The following CYB5A variants were observed in gnomAD, a reference collection of about 807,000 sequenced individuals.
CYB5A encodes cytochrome b5 type A.
Under a neutral mutation model 16.2 loss-of-function variants are expected in CYB5A, and 10 were observed. The observed-to-expected ratio is 0.62, with a 90% CI of 0.38 to 1.04. The LOEUF (loss-of-function observed/expected upper bound fraction) is 1.04, where lower values mean the gene tolerates loss of function less well. Among genes scored for constraint, CYB5A ranks in the 50% least tolerant of loss-of-function variants. The probability of loss-of-function intolerance (pLI) is 0.01; values close to 1 mark genes in which losing one functional copy is unlikely to be tolerated. For synonymous variants in CYB5A, 62 were observed against 57.0 expected (o/e 1.09, Z -0.40); for missense variants, 161 against 165.9 (o/e 0.97, Z 0.16).
intron 3 of CYB5A, chr18:74,260,569 A>G (rs1287361329): frequency 8.0e-6 from 3 of 377,276 alleles, no homozygotes; most frequent in East Asian, 6.7e-5. Flanking sequence ...ACCACTATCC[A>G]TTCAGATTTT....
chr18:74,291,826 A>C lies in CYB5A; in HGVS notation c.50T>G (p.Ile17Ser). The C allele has an allele frequency of 1.2e-6, 2 of 1,613,050 alleles. No individual in the cohort carries two copies. Among genetic ancestry groups the C allele is most frequent in the Non-Finnish European group, 1.7e-6 (2 of 1,179,806 alleles). ...EAVKYYTLEE[I>S]QKHNHSKSTW... ...GCTCTTGCTGTGGTTGTGCTTCTGA[A>C]TCTCCTCTAGGGTGTAGTACTTCAC... Residue 17 changes from isoleucine (I) to serine (S), a missense_variant, in exon 1 of 5, where the codon ATT becomes AGT. Ile to Ser is a moderately radical substitution (Grantham distance 142). Coordinates refer to ENST00000340533, the MANE Select transcript of CYB5A (RefSeq NM_148923.4).
At chr18:74,277,526 A>G (rs1227409224) in intron 1 of CYB5A, among the ~76,000 whole-genome samples, 1 of 152,252 alleles carries the variant, frequency 6.6e-6, no homozygotes, top group Admixed American at 6.5e-5. Context: ...TGCTACCAAA[A>G]TGGCAAAGTC....
intron 3 of CYB5A, chr18:74,258,589 T>C (rs763127244): frequency 6.6e-6 from 1 of 152,154 alleles, no homozygotes; most frequent in Non-Finnish European, 1.5e-5. Flanking sequence ...CGGCCGATGG[T>C]TATACAGACA....
intron 3 of CYB5A, chr18:74,257,170 G>A (rs559996169): frequency 8.3e-5 from 30 of 362,540 alleles, no homozygotes; most frequent in African/African-American, 1.3e-4. Flanking sequence ...CATCCACGGC[G>A]TCGTTAAAAT....
At chr18:74,275,730 C>T (rs538156717) in intron 1 of CYB5A, among the ~76,000 whole-genome samples, 2 of 152,082 alleles carry the variant, frequency 1.3e-5, no homozygotes, top group African/African-American at 2.4e-5. Flanking sequence ...AAGGGGCATC[C>T]GAATTGTTGC....
chr18:74,275,994 C>T (rs1413717592), intron 1 of CYB5A, among the ~76,000 whole-genome samples: 4 of 152,088 alleles, frequency 2.6e-5, no homozygotes, highest in African/African-American at 4.8e-5. Flanking sequence ...GTCTCCAACC[C>T]CATTTCTCCC....
At chr18:74,280,578 A>G (rs901024663) in intron 1 of CYB5A, among the ~76,000 whole-genome samples, 2 of 99,260 alleles carry the variant, frequency 2.0e-5, no homozygotes, top group Admixed American at 9.5e-5. Context: ...ACCCTGTCTC[A>G]AAAAAAAAAA....
intron 1 of CYB5A, among the ~76,000 whole-genome samples, chr18:74,265,705 G>A (rs1403993652): frequency 1.3e-5 from 2 of 152,212 alleles, no homozygotes; most frequent in East Asian, 3.8e-4. Flanking sequence ...GGCCTCTGGT[G>A]AGGCCTCGGG....
At chr18:74,256,634 C>T in intron 3 of CYB5A, 1 of 587,148 alleles carries the variant, frequency 1.7e-6, no homozygotes, top group Non-Finnish European at 3.0e-6. Flanking sequence ...GCATTAGGGC[C>T]TCAAACAGAA....
rs182045600 is a variant in CYB5A at position 74,254,327 on chromosome 18, C to A, written c.324-662G>T. Among the ~76,000 whole-genome samples the A allele has an allele frequency of 1.4e-3, 202 of 148,718 alleles. 1 individual carries two copies. The highest frequency in any genetic ancestry group is 1.4e-3 in the East Asian group (7 of 5,054). On this transcript the variant is annotated intron_variant, in intron 4 of 4. Coordinates refer to ENST00000340533, the MANE Select transcript of CYB5A (RefSeq NM_148923.4). ...GAAAATCTAATCTTTACTACCTGTG[C>A]TGAAGTGGATTTAAAGGGTTAAGAA...
intron 1 of CYB5A, among the ~76,000 whole-genome samples, chr18:74,281,910 G>C (rs1983127635): frequency 6.6e-6 from 1 of 152,006 alleles, no homozygotes; most frequent in South Asian, 2.1e-4. Flanking sequence ...GGCCTGGAGG[G>C]GCCTGGTTTA....
chr18:74,285,576 A>G (rs1436660731), intron 1 of CYB5A, among the ~76,000 whole-genome samples: 1 of 152,190 alleles, frequency 6.6e-6, no homozygotes, highest in Non-Finnish European at 1.5e-5. Context: ...CTCTGGTAAC[A>G]TCCATCAAAA....
chr18:74,278,439 G>A (rs1982966859), intron 1 of CYB5A, among the ~76,000 whole-genome samples: 1 of 152,072 alleles, frequency 6.6e-6, no homozygotes, highest in East Asian at 1.9e-4. Context: ...ATTTTATATT[G>A]CCACAGAGAC....
chr18:74,282,784 T>TG (rs1292092923), intron 1 of CYB5A, among the ~76,000 whole-genome samples: 3 of 151,922 alleles, frequency 2.0e-5, no homozygotes, highest in Non-Finnish European at 2.9e-5. Flanking sequence ...TTTGCTGAGG[T>TG]GGGGGAGGTA....
intron 1 of CYB5A, among the ~76,000 whole-genome samples, chr18:74,273,239 C>G (rs1181909567): frequency 6.6e-6 from 1 of 152,208 alleles, no homozygotes; most frequent in Non-Finnish European, 1.5e-5. Flanking sequence ...GAGTGACTGA[C>G]TGGAGGGTAA....
At chr18:74,266,176 C>T (rs1277857994) in intron 1 of CYB5A, among the ~76,000 whole-genome samples, 1 of 152,216 alleles carries the variant, frequency 6.6e-6, no homozygotes, top group African/African-American at 2.4e-5. Flanking sequence ...CTGGATTCCT[C>T]GCCAAGGCTG....
At chr18:74,256,532 C>T in intron 3 of CYB5A, 1 of 436,248 alleles carries the variant, frequency 2.3e-6, no homozygotes, top group Non-Finnish European at 4.0e-6. Flanking sequence ...ACTTCTCCAA[C>T]AGCTGAAAAG....
At chr18:74,279,249 C>T (rs112521656) in intron 1 of CYB5A, among the ~76,000 whole-genome samples, 4 of 152,236 alleles carry the variant, frequency 2.6e-5, no homozygotes, top group African/African-American at 9.6e-5. Flanking sequence ...GAGACAAGGC[C>T]GGGCGCGGTG....
intron 1 of CYB5A, among the ~76,000 whole-genome samples, chr18:74,268,526 C>A (rs956902356): frequency 6.6e-6 from 1 of 151,898 alleles, no homozygotes; most frequent in Non-Finnish European, 1.5e-5. Flanking sequence ...GGAGGTAACG[C>A]GATCAGATTT....
Sources: gnomAD v4.1 joint callset for allele counts (sites outside exome capture counted in the v4.1 genomes callset) on GRCh38, gnomAD v4.1.1 for gene constraint, MANE v1.5 for transcripts, NCBI Gene and HGNC (gene_info 2026-07-23, HGNC 2026-07-21) for gene names.